Variants in SORCS1 observed in about 807,000 individuals in gnomAD.
SORCS1 encodes VPS10 domain-containing receptor SorCS1.
Under a neutral mutation model 146.1 loss-of-function variants are expected in SORCS1, and 60 were observed. The ratio of observed to expected loss-of-function variants is 0.41; its 90% CI spans 0.33 to 0.51. The LOEUF is 0.51. Among genes scored for constraint, SORCS1 ranks in the 20% least tolerant of loss-of-function variants. The probability of loss-of-function intolerance (pLI) is 0.21; values close to 1 mark genes in which losing one functional copy is unlikely to be tolerated. For synonymous variants in SORCS1, 637 were observed against 584.0 expected, an observed-to-expected ratio of 1.09 and a Z score of -1.31; for missense variants, 1,352 against 1,487.6, an observed-to-expected ratio of 0.91 and a Z score of 1.50.
intron 12 of SORCS1, among the ~76,000 whole-genome samples, chr10:106,678,991 A>T (rs1852237749): frequency 6.6e-6 from 1 of 152,166 alleles, no homozygotes; most frequent in South Asian, 2.1e-4. Context: ...GTCAGACTTA[A>T]TTTGGTTTCA....
chr10:106,881,121 AG>A (rs1950792444), intron 2 of SORCS1, among the ~76,000 whole-genome samples: 1 of 151,856 alleles, frequency 6.6e-6, no homozygotes, highest in African/African-American at 2.4e-5. Flanking sequence ...ATCTCCTCAA[AG>A]GACATGACAA....
chr10:106,879,171 A>G (rs1042111494), intron 2 of SORCS1, among the ~76,000 whole-genome samples: 4 of 149,662 alleles, frequency 2.7e-5, no homozygotes, highest in African/African-American at 9.9e-5. Context: ...AAATTCATTG[A>G]TAACTTACCA....
intron 13 of SORCS1, 34 bp from the exon 14 acceptor site, chr10:106,675,190 C>T (rs1290325410): frequency 4.1e-6 from 6 of 1,481,428 alleles, no homozygotes; most frequent in Non-Finnish European, 4.7e-6. Flanking sequence ...CATCAGATCT[C>T]CAAAGGAAAA....
At chr10:106,662,800 C>T (rs541390920) in intron 17 of SORCS1, among the ~76,000 whole-genome samples, 82 of 152,324 alleles carry the variant, frequency 5.4e-4, no homozygotes, top group Admixed American at 2.9e-3. Flanking sequence ...TCTCCTTCCC[C>T]TCAGCTTTCC....
chr10:107,140,516 G>A (rs959195852), intron 1 of SORCS1, among the ~76,000 whole-genome samples: 5 of 152,102 alleles, frequency 3.3e-5, no homozygotes, highest in African/African-American at 4.8e-5. Context: ...AAAATTCCAC[G>A]TTTACTGTGA....
At chr10:106,741,640 G>A in intron 5 of SORCS1, among the ~76,000 whole-genome samples, 1 of 151,188 alleles carries the variant, frequency 6.6e-6, no homozygotes, top group East Asian at 1.9e-4. Context: ...GAGAGAGTGA[G>A]AGAGAGAGAG....
chr10:106,792,353 T>C (rs1038658579), intron 3 of SORCS1, among the ~76,000 whole-genome samples: 2 of 152,238 alleles, frequency 1.3e-5, no homozygotes, highest in African/African-American at 4.8e-5. Context: ...AATTCTAAGA[T>C]GTTAAAAAAT....
chr10:106,641,164 C>A (rs942240811), intron 18 of SORCS1, among the ~76,000 whole-genome samples: 1 of 152,118 alleles, frequency 6.6e-6, no homozygotes, highest in Non-Finnish European at 1.5e-5. Flanking sequence ...TTTTCATCAA[C>A]CTCAGAATAG....
At chr10:106,622,739 A>C (rs930956320) in intron 19 of SORCS1, among the ~76,000 whole-genome samples, 3 of 152,200 alleles carry the variant, frequency 2.0e-5, no homozygotes, top group African/African-American at 7.2e-5. Flanking sequence ...CTCACAAAAC[A>C]ATCTTATGAA....
In SORCS1 at chr10:107,163,884, C is replaced by T. The variant is rs535423258; in HGVS notation, c.558+85G>A. On this transcript the variant is annotated intron_variant, in intron 1 of 25. Transcript: ENST00000263054. ...TCTCCCATGTCCAGAAACCCTATTT[C>T]CCCCCAATTCTCCATCAGATCACAC... 1.5e-5 allele frequency: 21 copies of T among 1,435,092 alleles called. No homozygotes were observed. In the Admixed American group the frequency reaches 3.5e-4, roughly 24 times the overall value. 88.9% of individuals were successfully genotyped at this position (1,435,092 alleles called of 1,614,324 possible).
intron 25 of SORCS1, chr10:106,578,610 T>C (rs1235700021): frequency 3.1e-6 from 3 of 971,132 alleles, no homozygotes; most frequent in East Asian, 2.3e-4. Context: ...CTGGCCACTC[T>C]CATTATGTCA....
intron 7 of SORCS1, among the ~76,000 whole-genome samples, chr10:106,708,673 G>C (rs1424380066): frequency 1.2e-4 from 19 of 152,142 alleles, no homozygotes; most frequent in Admixed American, 9.2e-4. Flanking sequence ...GCTCTGAAGT[G>C]TCTTTATTCT....
chr10:106,956,607 T>A lies in SORCS1; in HGVS notation c.559-27A>T, dbSNP rs771945176. On this transcript the variant is annotated intron_variant, in intron 1 of 25. Coordinates refer to ENST00000263054, the MANE Select transcript of SORCS1 (RefSeq NM_052918.5). ...TGAAGGCAAAAGAAGAAATCATGGT[T>A]AGTCTCAAACAATTACAATCTCTTA... is the stretch of plus-strand genomic sequence containing the variant. The A allele has an allele frequency of 3.1e-6, 5 of 1,603,974 alleles. No homozygotes were observed. The African/African-American group carries it at 6.7e-5, about 21-fold the overall frequency.
intron 1 of SORCS1, among the ~76,000 whole-genome samples, chr10:106,992,895 G>A (rs1162544343): frequency 3.0e-5 from 4 of 133,368 alleles, no homozygotes; most frequent in Admixed American, 8.3e-5. Flanking sequence ...ACAGTGGCGC[G>A]ATCTAGGCTC....
At chr10:106,925,430 C>T (rs1235891540) in intron 2 of SORCS1, among the ~76,000 whole-genome samples, 2 of 152,188 alleles carry the variant, frequency 1.3e-5, no homozygotes, top group African/African-American at 4.8e-5. Context: ...ATTACACTGA[C>T]ACCCTGCTTA....
intron 1 of SORCS1, among the ~76,000 whole-genome samples, chr10:107,007,620 GA>G (rs1957512516): frequency 6.6e-6 from 1 of 152,182 alleles, no homozygotes; most frequent in African/African-American, 2.4e-5. Flanking sequence ...AGATATGTTG[GA>G]GTTTTAGCCA....
chr10:107,140,275 C>T (rs1967699827), intron 1 of SORCS1, among the ~76,000 whole-genome samples: 1 of 152,220 alleles, frequency 6.6e-6, no homozygotes, highest in South Asian at 2.1e-4. Flanking sequence ...ATAATTCTTA[C>T]ATACTGATTC....
chr10:106,752,706 G>A (rs553914940), intron 5 of SORCS1, among the ~76,000 whole-genome samples: 1 of 152,306 alleles, frequency 6.6e-6, no homozygotes, highest in South Asian at 2.1e-4. Context: ...AAGATGAATG[G>A]AGAGGCTTTT....
intron 4 of SORCS1, among the ~76,000 whole-genome samples, chr10:106,772,152 G>C (rs1484900240): frequency 6.6e-6 from 1 of 152,156 alleles, no homozygotes; most frequent in Non-Finnish European, 1.5e-5. Context: ...GTGTGGGCAA[G>C]CATCATCCAA....
Sources: gnomAD v4.1 joint callset for allele counts (sites outside exome capture counted in the v4.1 genomes callset) on GRCh38, gnomAD v4.1.1 for gene constraint, MANE v1.5 for transcripts, NCBI Gene and HGNC (gene_info 2026-07-23, HGNC 2026-07-21) for gene names.